The following TENM3 variants were observed in gnomAD, a reference collection of about 807,000 sequenced individuals.
TENM3 encodes the protein teneurin-3.
A neutral mutation model predicts 255.1 loss-of-function variants in TENM3; 63 were observed. The ratio of observed to expected loss-of-function variants is 0.25; its 90% CI spans 0.20 to 0.30. The LOEUF (loss-of-function observed/expected upper bound fraction) is 0.30, where lower values mean the gene tolerates loss of function less well. Ranked by LOEUF, TENM3 falls within the 10% of genes least tolerant of loss-of-function variation. The probability of loss-of-function intolerance (pLI) is 1.00; values close to 1 mark genes in which losing one functional copy is unlikely to be tolerated. For synonymous variants in TENM3, 1,306 were observed against 1,322.3 expected (o/e 0.99, Z 0.27); for missense variants, 2,929 against 3,461.1 (o/e 0.85, Z 3.86).
chr4:182,344,887 G>A (rs563403565), intron 2 of TENM3, among the ~76,000 whole-genome samples: 1 of 152,274 alleles, frequency 6.6e-6, no homozygotes, highest in African/African-American at 2.4e-5. Flanking sequence ...ACCTTGTTCA[G>A]ATTTACTTTT....
the TENM3 span, among the ~76,000 whole-genome samples, chr4:182,120,091 GCGCGCACACACACA>G: frequency 0.012 from 676 of 58,428 alleles, 4 homozygotes; most frequent in Middle Eastern, 0.068. Context: ...ATGCGTGCGT[GCGCGCACACACACA>G]CACACACACA....
At chr4:181,661,647 G>A in the TENM3 span, among the ~76,000 whole-genome samples, 1 of 152,224 alleles carries the variant, frequency 6.6e-6, no homozygotes, top group African/African-American at 2.4e-5. Context: ...TTAAAATTCA[G>A]AAAAATGATT....
At chr4:181,634,506 T>G in the TENM3 span, among the ~76,000 whole-genome samples, 1 of 152,034 alleles carries the variant, frequency 6.6e-6, no homozygotes. Flanking sequence ...CCATATGTTA[T>G]CAGTTTTCCT....
chr4:181,589,478 A>G, the TENM3 span, among the ~76,000 whole-genome samples: 864 of 152,332 alleles, frequency 5.7e-3, 11 homozygotes, highest in African/African-American at 0.02. Flanking sequence ...GTGGTTCAAA[A>G]CATGGTAAGG....
intron 5 of TENM3, among the ~76,000 whole-genome samples, chr4:182,641,652 C>G (rs547181347): frequency 6.6e-6 from 1 of 151,954 alleles, no homozygotes; most frequent in Non-Finnish European, 1.5e-5. Context: ...CTCAGCCTCC[C>G]GAGTAGCTGG....
intron 3 of TENM3, among the ~76,000 whole-genome samples, chr4:182,585,991 C>T (rs1360126062): frequency 3.9e-5 from 6 of 152,200 alleles, no homozygotes; most frequent in African/African-American, 9.6e-5. Context: ...CAGTGGCTCA[C>T]GCCTGTAATC....
intron 6 of TENM3, among the ~76,000 whole-genome samples, chr4:182,662,122 A>T (rs576031615): frequency 1.3e-5 from 2 of 152,210 alleles, no homozygotes; most frequent in Non-Finnish European, 2.9e-5. Context: ...TTGAAAAGGC[A>T]TTATCTGAAA....
At chr4:181,593,649 G>T in the TENM3 span, among the ~76,000 whole-genome samples, 1 of 152,260 alleles carries the variant, frequency 6.6e-6, no homozygotes, top group East Asian at 1.9e-4. Flanking sequence ...AAAATCAGAA[G>T]AAACAGTACT....
At chr4:182,409,366 C>T (rs1769810952) in intron 3 of TENM3, among the ~76,000 whole-genome samples, 2 of 152,160 alleles carry the variant, frequency 1.3e-5, no homozygotes, top group African/African-American at 4.8e-5. Flanking sequence ...GTTCCTTTTC[C>T]AGTTTGACTT....
the TENM3 span, among the ~76,000 whole-genome samples, chr4:181,853,960 G>C: frequency 6.6e-6 from 1 of 152,288 alleles, no homozygotes; most frequent in East Asian, 1.9e-4. Flanking sequence ...AACCTAGCAG[G>C]ATTTTTTAAA....
At chr4:182,289,140 G>A (rs545516375) in intron 1 of TENM3, among the ~76,000 whole-genome samples, 85 of 152,344 alleles carry the variant, frequency 5.6e-4, no homozygotes, top group African/African-American at 1.9e-3. Context: ...TGACGTGGAA[G>A]GATCACTTGA....
At chr4:181,994,953 A>T in the TENM3 span, among the ~76,000 whole-genome samples, 1 of 152,176 alleles carries the variant, frequency 6.6e-6, no homozygotes, top group Non-Finnish European at 1.5e-5. Context: ...ATTCATTGGA[A>T]TTGAACTACA....
the TENM3 span, among the ~76,000 whole-genome samples, chr4:181,816,090 A>G: frequency 6.6e-6 from 1 of 152,142 alleles, no homozygotes; most frequent in Non-Finnish European, 1.5e-5. Flanking sequence ...TTTGTTTCAA[A>G]TTTCTCTCAG....
At chr4:181,991,240 A>C in the TENM3 span, among the ~76,000 whole-genome samples, 2 of 152,144 alleles carry the variant, frequency 1.3e-5, no homozygotes, top group Non-Finnish European at 2.9e-5. Flanking sequence ...AATTGAGAAG[A>C]TATTTCCCGT....
At chr4:182,102,492 G>T in the TENM3 span, among the ~76,000 whole-genome samples, 266 of 152,256 alleles carry the variant, frequency 1.7e-3, 1 homozygote, top group African/African-American at 6.2e-3. Flanking sequence ...CTAATGTCAT[G>T]GCCAAGAATC....
At chr4:181,567,942 G>C in the TENM3 span, among the ~76,000 whole-genome samples, 2 of 152,098 alleles carry the variant, frequency 1.3e-5, no homozygotes, top group Non-Finnish European at 2.9e-5. Flanking sequence ...AGCACCTTTG[G>C]CCAACTTACT....
chr4:181,575,775 G>A, the TENM3 span, among the ~76,000 whole-genome samples: 1 of 152,112 alleles, frequency 6.6e-6, no homozygotes, highest in Non-Finnish European at 1.5e-5. Flanking sequence ...TTTGTTTCCT[G>A]ACTTCCGCTG....
At chr4:182,100,596 T>TACACATATATAC in the TENM3 span, among the ~76,000 whole-genome samples, 15 of 31,838 alleles carry the variant, frequency 4.7e-4, no homozygotes, top group East Asian at 8.7e-3. Context: ...TACACATATA[T>TACACATATATAC]ACACATATAT....
intron 1 of TENM3, among the ~76,000 whole-genome samples, chr4:182,256,994 CA>C (rs1208205339): frequency 6.6e-6 from 1 of 150,844 alleles, no homozygotes; most frequent in East Asian, 1.9e-4. Context: ...GAATTGGTGT[CA>C]AAAAAAAGGT....
Sources: allele counts gnomAD v4.1 joint callset (sites outside exome capture counted in the v4.1 genomes callset), GRCh38; gene constraint gnomAD v4.1.1; transcripts MANE v1.5; gene names NCBI Gene and HGNC (gene_info 2026-07-23, HGNC 2026-07-21).